The following SNRPC variants were observed in gnomAD, a reference collection of about 807,000 sequenced individuals.
The protein encoded by SNRPC is small nuclear ribonucleoprotein polypeptide C.
A neutral mutation model predicts 20.0 loss-of-function variants in SNRPC; 5 were observed. The observed-to-expected ratio is 0.25, with a 90% CI of 0.13 to 0.53. The LOEUF (loss-of-function observed/expected upper bound fraction) is 0.53, where lower values mean the gene tolerates loss of function less well. Ranked by LOEUF, SNRPC falls within the 20% of genes least tolerant of loss-of-function variation. The pLI is 0.96. For synonymous variants in SNRPC, 61 were observed against 58.7 expected (o/e 1.04, Z -0.18); for missense variants, 112 against 224.1 (o/e 0.50, Z 3.19).
intron 4 of SNRPC, among the ~76,000 whole-genome samples, chr6:34,768,625 G>A (rs940816639): frequency 1.3e-5 from 2 of 151,782 alleles, no homozygotes; most frequent in Non-Finnish European, 2.9e-5. Context: ...GGTGGTGCAC[G>A]TCTGTAGTCC....
At chr6:34,758,610 C>T (rs1764485091) in intron 2 of SNRPC, among the ~76,000 whole-genome samples, 1 of 152,108 alleles carries the variant, frequency 6.6e-6, no homozygotes, top group African/African-American at 2.4e-5. Context: ...CCACCATGCC[C>T]AGCCAACCCC....
At chr6:34,759,885 T>C (rs1466501532) in intron 2 of SNRPC, among the ~76,000 whole-genome samples, 1 of 152,176 alleles carries the variant, frequency 6.6e-6, no homozygotes, top group Non-Finnish European at 1.5e-5. Context: ...AAATCATAAC[T>C]CTTTTTACAG....
rs530368135 is a variant in SNRPC at position 34,761,301 on chromosome 6, A to T, written c.52-1294A>T. ...ATTACAGGCGCGTGCCATCATGCCC[A>T]ACTAATTTTTGTATTTTTAGTAGAG... On this transcript the variant is annotated intron_variant, in intron 2 of 5. Coordinates refer to ENST00000244520, the MANE Select transcript of SNRPC (RefSeq NM_003093.3). Among the ~76,000 whole-genome samples, 449 of 150,996 alleles carry T rather than the reference A, an allele frequency of 3.0e-3. 1 individual carries two copies. The highest frequency in any genetic ancestry group is 0.01 in the African/African-American group (424 of 41,258).
intron 2 of SNRPC, among the ~76,000 whole-genome samples, chr6:34,760,336 C>T (rs372551370): frequency 1.6e-4 from 24 of 152,078 alleles, no homozygotes; most frequent in African/African-American, 5.1e-4. Context: ...CCCGCCTCAG[C>T]CTCCCAAAGT....
chr6:34,757,886 T>G, intron 1 of SNRPC, 26 bp from the exon 2 acceptor site: 3 of 1,560,062 alleles, frequency 1.9e-6, no homozygotes, highest in Non-Finnish European at 2.6e-6. Flanking sequence ...TTGTCGTCTT[T>G]TTCTCTTCCT....
At chr6:34,758,838 C>T (rs935103734) in intron 2 of SNRPC, among the ~76,000 whole-genome samples, 6 of 151,430 alleles carry the variant, frequency 4.0e-5, no homozygotes, top group Non-Finnish European at 8.8e-5. Flanking sequence ...CACGGTGAAA[C>T]CCCGTCTCTA....
At chr6:34,758,093 G>A (rs1161720012) in intron 2 of SNRPC, 139 bp downstream of exon 2, 3 of 921,990 alleles carry the variant, frequency 3.3e-6, no homozygotes, top group Non-Finnish European at 4.8e-6. Flanking sequence ...AATAATTGGA[G>A]GTTATTTTCC....
chr6:34,769,007 A>G (rs962166088), intron 4 of SNRPC, among the ~76,000 whole-genome samples: 2 of 152,064 alleles, frequency 1.3e-5, no homozygotes, highest in Admixed American at 1.3e-4. Flanking sequence ...GACTGTTTGT[A>G]ATAGTTGCAC....
chr6:34,765,651 C>T (rs1216640416), intron 3 of SNRPC, among the ~76,000 whole-genome samples: 1 of 151,968 alleles, frequency 6.6e-6, no homozygotes, highest in Non-Finnish European at 1.5e-5. Flanking sequence ...GTTGGCCAGG[C>T]TGGTCTTGAA....
chr6:34,767,438 T>C (rs1764627881), intron 3 of SNRPC, among the ~76,000 whole-genome samples: 2 of 152,142 alleles, frequency 1.3e-5, no homozygotes, highest in African/African-American at 2.4e-5. Context: ...CCGGGCAATA[T>C]GGTGAAACCC....
chr6:34,767,645 C>T (rs1490052705), intron 3 of SNRPC, among the ~76,000 whole-genome samples: 2 of 152,116 alleles, frequency 1.3e-5, no homozygotes, highest in African/African-American at 2.4e-5. Context: ...GAAATTTTTG[C>T]TCCAGTCTCC....
At chr6:34,763,419 T>TG (rs1319182118) in intron 3 of SNRPC, among the ~76,000 whole-genome samples, 1 of 152,120 alleles carries the variant, frequency 6.6e-6, no homozygotes, top group Non-Finnish European at 1.5e-5. Flanking sequence ...CAGTGGCTGA[T>TG]GCCTGTAATC....
intron 3 of SNRPC, 21 bp from the exon 4 acceptor site, chr6:34,767,887 T>TC (rs1452397065): frequency 2.7e-6 from 4 of 1,502,248 alleles, no homozygotes; most frequent in Non-Finnish European, 3.5e-6. Context: ...TTTTTTTTTT[T>TC]TTTTTCCTCA....
At chr6:34,768,541 C>A (rs1356548492) in intron 4 of SNRPC, among the ~76,000 whole-genome samples, 2 of 152,044 alleles carry the variant, frequency 1.3e-5, no homozygotes, top group Non-Finnish European at 2.9e-5. Flanking sequence ...CACCTGAGGT[C>A]AGGAGTTCGA....
At chr6:34,757,627 C>T in intron 1 of SNRPC, 76 bp downstream of exon 1, 1 of 1,516,602 alleles carries the variant, frequency 6.6e-7, no homozygotes, top group South Asian at 1.1e-5. Context: ...AGAGCGGGTT[C>T]TGGTTTCTGA....
At chr6:34,758,968 C>G (rs1400032344) in intron 2 of SNRPC, among the ~76,000 whole-genome samples, 4 of 139,442 alleles carry the variant, frequency 2.9e-5, no homozygotes, top group African/African-American at 1.1e-4. Context: ...TGCAGTGAGC[C>G]GAGATCCCGC....
intron 3 of SNRPC, among the ~76,000 whole-genome samples, chr6:34,764,600 T>G (rs1581590995): frequency 6.6e-6 from 1 of 151,096 alleles, no homozygotes; most frequent in African/African-American, 2.4e-5. Context: ...GAAGCGGAGG[T>G]TGCAGTGAGC....
In SNRPC at chr6:34,757,906, T is replaced by C. The variant is rs1036661979; in HGVS notation, c.9-6T>C. On this transcript the variant is annotated splice_region_variant and splice_polypyrimidine_tract_variant and intron_variant, in intron 1 of 5. Transcript: ENST00000244520. Reference sequence around the variant, plus strand: ...GTCTTTTTCTCTTCCTTTCACCTCTTTTCAGGTTTTATTGTGACTACTGCG... The same window carrying C: ...GTCTTTTTCTCTTCCTTTCACCTCTCTTCAGGTTTTATTGTGACTACTGCG... 11 of 1,613,634 alleles carry C rather than the reference T, an allele frequency of 6.8e-6. No individual in the cohort carries two copies. The highest frequency in any genetic ancestry group is 1.3e-5 in the African/African-American group (1 of 74,902).
intron 5 of SNRPC, among the ~76,000 whole-genome samples, chr6:34,772,472 G>T (rs1225796615): frequency 1.3e-5 from 2 of 152,064 alleles, no homozygotes; most frequent in African/African-American, 4.8e-5. Flanking sequence ...GTTTAAATTG[G>T]TCTTAAATTC....
Sources: gnomAD v4.1 joint callset for allele counts (sites outside exome capture counted in the v4.1 genomes callset) on GRCh38, gnomAD v4.1.1 for gene constraint, MANE v1.5 for transcripts, NCBI Gene and HGNC (gene_info 2026-07-23, HGNC 2026-07-21) for gene names.